The following SMPX variants were observed in gnomAD, a reference collection of about 807,000 sequenced individuals.
The protein encoded by SMPX is small muscle protein X-linked.
Under a neutral mutation model 6.3 loss-of-function variants are expected in SMPX, and 2 were observed. The observed-to-expected ratio is 0.32, with a 90% CI of 0.13 to 0.99. SMPX has a LOEUF of 0.99. SMPX is among the 50% of genes least tolerant of loss of function. The pLI, the probability that SMPX is intolerant of heterozygous loss-of-function variation, is 0.49. For missense variants in SMPX, 60 were observed against 66.8 expected, an observed-to-expected ratio of 0.90 and a Z score of 0.36; for synonymous variants, 32 against 24.7, an observed-to-expected ratio of 1.30 and a Z score of -0.88.
At chrX:21,748,585 G>A (rs955488543) in intron 2 of SMPX, among the ~76,000 whole-genome samples, 7 of 111,668 alleles carry the variant, frequency 6.3e-5, no homozygotes, top group African/African-American at 2.3e-4. Flanking sequence ...AGGCAGAGCC[G>A]CAATGATCAT....
intron 4 of SMPX, among the ~76,000 whole-genome samples, chrX:21,713,181 C>G (rs1299931942): frequency 1.8e-5 from 2 of 111,926 alleles, no homozygotes; most frequent in East Asian, 2.8e-4. Flanking sequence ...GCTTTATAAT[C>G]TTTTAAAATA....
intron 3 of SMPX, among the ~76,000 whole-genome samples, chrX:21,742,874 AGAT>A (rs888814369): frequency 1.2e-4 from 13 of 112,778 alleles, no homozygotes; most frequent in African/African-American, 3.5e-4. Context: ...CCTTTTAAAA[AGAT>A]GAAATACAGT....
intron 4 of SMPX, among the ~76,000 whole-genome samples, chrX:21,728,212 C>A (rs1474750901): frequency 1.5e-5 from 1 of 66,602 alleles, no homozygotes. Flanking sequence ...CCTTCCCCTC[C>A]TTTCTCTCTC....
rs1256769057 is a variant in SMPX at position 21,754,237 on chromosome X, G to A, written c.45+9C>T. ...AAGCAACCAGGCAAGAAGTTGCAGGGCTACTTACCTGGATGGCTCTAACAT... is the reference window on the plus strand; with the variant it reads ...AAGCAACCAGGCAAGAAGTTGCAGGACTACTTACCTGGATGGCTCTAACAT... On this transcript the variant is annotated intron_variant, in intron 2 of 4. Coordinates refer to ENST00000379494, the MANE Select transcript of SMPX (RefSeq NM_014332.3). 6.6e-6 allele frequency: 8 copies of A among 1,203,483 alleles called. No individual in the cohort carries two copies. The highest frequency in any genetic ancestry group is 7.9e-6 in the Non-Finnish European group (7 of 889,190).
At chrX:21,716,206 T>G (rs1939254758) in intron 4 of SMPX, among the ~76,000 whole-genome samples, 1 of 112,466 alleles carries the variant, frequency 8.9e-6, no homozygotes, top group Non-Finnish European at 1.9e-5. Flanking sequence ...TTCCAAGTTT[T>G]AGAACTGGAT....
At chrX:21,720,456 G>A (rs2092790495) in intron 4 of SMPX, among the ~76,000 whole-genome samples, 1 of 112,671 alleles carries the variant, frequency 8.9e-6, no homozygotes. Context: ...GCTAAGCCAT[G>A]CTAAATTCCT....
chrX:21,747,985 T>C (rs1307160392), intron 2 of SMPX, among the ~76,000 whole-genome samples: 1 of 112,220 alleles, frequency 8.9e-6, no homozygotes, highest in African/African-American at 3.2e-5. Context: ...CCTATTCTCA[T>C]AGTCTTAGTC....
At chrX:21,754,107 A>C (rs1437092181) in intron 2 of SMPX, 139 bp downstream of exon 2, 2 of 592,483 alleles carry the variant, frequency 3.4e-6, no homozygotes, top group Non-Finnish European at 5.9e-6. Context: ...AACTGGTTTT[A>C]TATCCTTTCT....
At chrX:21,745,454 A>T (rs1208266751) in intron 2 of SMPX, among the ~76,000 whole-genome samples, 1 of 111,833 alleles carries the variant, frequency 8.9e-6, no homozygotes, top group East Asian at 2.8e-4. Context: ...TACAACCAAT[A>T]GTGTCCTACA....
chrX:21,712,506 A>T (rs781219010), intron 4 of SMPX, among the ~76,000 whole-genome samples: 9 of 111,429 alleles, frequency 8.1e-5, no homozygotes, highest in Non-Finnish European at 1.1e-4. Flanking sequence ...ATATCAACTC[A>T]GAGTTAGGGG....
At chrX:21,726,590 C>T (rs371409828) in intron 4 of SMPX, among the ~76,000 whole-genome samples, 9 of 111,915 alleles carry the variant, frequency 8.0e-5, no homozygotes, top group African/African-American at 2.9e-4. Context: ...CAGTGCTTCT[C>T]AGCCCTGGAA....
intron 4 of SMPX, among the ~76,000 whole-genome samples, chrX:21,728,252 C>T (rs868645685): frequency 1.4e-5 from 1 of 69,642 alleles, no homozygotes; most frequent in Non-Finnish European, 2.7e-5. Context: ...CTCTCTCTCT[C>T]TCTCTCTCTC....
At chrX:21,728,971 T>C (rs189589526) in intron 4 of SMPX, among the ~76,000 whole-genome samples, 54 of 112,462 alleles carry the variant, frequency 4.8e-4, no homozygotes, top group Admixed American at 8.4e-4. Context: ...TTGATGCTGG[T>C]GACTACTAAT....
At chrX:21,747,952 T>C (rs2092823269) in intron 2 of SMPX, among the ~76,000 whole-genome samples, 1 of 112,141 alleles carries the variant, frequency 8.9e-6, no homozygotes, top group Admixed American at 9.5e-5. Flanking sequence ...GGTTGCATTT[T>C]GCATTATTTC....
In SMPX at chrX:21,711,665, G is replaced by A. The variant is rs768632714; in HGVS notation, c.*15-5271C>T. On this transcript the variant is annotated intron_variant, in intron 4 of 4. Coordinates refer to ENST00000379494, the MANE Select transcript of SMPX (RefSeq NM_014332.3). ...TATAGCTGTGTAACTCATAGTTGCC[G>A]TGGCCCCACTTACATCATGTGGGAA... Among the ~76,000 whole-genome samples, 22 of 111,789 alleles carry A rather than the reference G, an allele frequency of 2.0e-4. No individual in the cohort carries two copies. The South Asian group carries it at 3.0e-3, about 15-fold the overall frequency.
chrX:21,725,150 C>CAGAT (rs1289622648), intron 4 of SMPX, among the ~76,000 whole-genome samples: 1 of 111,298 alleles, frequency 9.0e-6, no homozygotes, highest in Non-Finnish European at 1.9e-5. Context: ...TAAATAATGT[C>CAGAT]AGATAGAGGG....
rs765781831 is a variant in SMPX, at chrX:21,711,064, C to T, written c.*15-4670G>A. 4.5e-5 allele frequency among the ~76,000 whole-genome samples: 5 copies of T among 111,763 alleles called. No homozygotes were observed. The East Asian group carries it at 1.1e-3, about 25-fold the overall frequency. ...GAAACAGGAATGCACTGATGGATAA[C>T]GTCAGATATAGTCCATCCCAGAGTA... On this transcript the variant is annotated intron_variant, in intron 4 of 4. Transcript: ENST00000379494.
rs763088042 is a variant in SMPX at position 21,737,531 on chromosome X, A to C, written c.*14+18T>G. 1.7e-6 allele frequency: 2 copies of C among 1,191,676 alleles called. No individual in the cohort carries two copies. Among genetic ancestry groups the C allele is most frequent in the African/African-American group, 3.5e-5 (2 of 56,972 alleles). On this transcript the variant is annotated intron_variant, in intron 4 of 4. Transcript: ENST00000379494. ...TACAGAGGACTTTTTGAGACAAAGA[A>C]GATAGTTTTTCACTCACCTTTTTTC...
At chrX:21,715,543 T>C (rs962951762) in intron 4 of SMPX, among the ~76,000 whole-genome samples, 1 of 110,976 alleles carries the variant, frequency 9.0e-6, no homozygotes, top group Non-Finnish European at 1.9e-5. Flanking sequence ...TTCTCAGTAT[T>C]TAACATCCAT....
Sources: allele counts gnomAD v4.1 joint callset (sites outside exome capture counted in the v4.1 genomes callset), GRCh38; gene constraint gnomAD v4.1.1; transcripts MANE v1.5; gene names NCBI Gene and HGNC (gene_info 2026-07-23, HGNC 2026-07-21).